BTAF1: variants seen among roughly 807,000 people sequenced by gnomAD.
BTAF1 encodes the protein TATA-binding protein-associated factor 172.
Under a neutral mutation model 227.1 loss-of-function variants are expected in BTAF1, and 38 were observed. The observed-to-expected ratio is 0.17, with a 90% CI of 0.13 to 0.22. The LOEUF (loss-of-function observed/expected upper bound fraction) is 0.22. Among genes scored for constraint, BTAF1 ranks in the 10% least tolerant of loss-of-function variants. The probability of loss-of-function intolerance (pLI) is 1.00; values close to 1 mark genes in which losing one functional copy is unlikely to be tolerated. For synonymous variants in BTAF1, 742 were observed against 751.9 expected, an observed-to-expected ratio of 0.99 and a Z score of 0.21; for missense variants, 1,598 against 2,204.0, an observed-to-expected ratio of 0.73 and a Z score of 5.51.
At chr10:91,995,070 A>G (rs1849040893) in intron 23 of BTAF1, among the ~76,000 whole-genome samples, 1 of 152,262 alleles carries the variant, frequency 6.6e-6, no homozygotes, top group Non-Finnish European at 1.5e-5. Flanking sequence ...AGTGGCAAAG[A>G]TAGAACACTG....
At chr10:92,023,980 A>T (rs1166571798) in intron 34 of BTAF1, among the ~76,000 whole-genome samples, 1 of 152,204 alleles carries the variant, frequency 6.6e-6, no homozygotes. Flanking sequence ...CTCAAATACT[A>T]TGGATGAAGA....
Position 91,989,589 on chromosome 10 carries a change from C to A in BTAF1, c.2854+9C>A. ...CCAGGAAAATTCTAAAGGTATATAC[C>A]TAAACTTTTATTTGGGGTAGAGAAA... On this transcript the variant is annotated intron_variant, in intron 20 of 37. Coordinates refer to ENST00000265990, the MANE Select transcript of BTAF1 (RefSeq NM_003972.3). 1 of 1,563,076 alleles carries A rather than the reference C, an allele frequency of 6.4e-7. No homozygotes were observed. Among genetic ancestry groups the A allele is most frequent in the Admixed American group, 2.1e-5 (1 of 48,734 alleles).
chr10:91,939,554 T>A (rs1844857999), intron 2 of BTAF1, among the ~76,000 whole-genome samples: 1 of 152,212 alleles, frequency 6.6e-6, no homozygotes. Flanking sequence ...TTCTCCTGTC[T>A]CAGCCTCCCA....
intron 21 of BTAF1, among the ~76,000 whole-genome samples, chr10:91,992,771 G>A (rs1303090937): frequency 6.6e-6 from 1 of 152,110 alleles, no homozygotes; most frequent in Non-Finnish European, 1.5e-5. Flanking sequence ...GATTTATAAT[G>A]GCACCTCTGT....
At chr10:91,996,665 A>G in intron 24 of BTAF1, 95 bp downstream of exon 24, 3 of 1,207,596 alleles carry the variant, frequency 2.5e-6, no homozygotes, top group South Asian at 1.5e-5. Context: ...ATGCACATAA[A>G]TAACCTGCCT....
intron 4 of BTAF1, among the ~76,000 whole-genome samples, chr10:91,949,442 CAGTT>C (rs1161244096): frequency 4.0e-4 from 61 of 152,066 alleles, no homozygotes; most frequent in Non-Finnish European, 5.9e-5. Context: ...TTAATTTTGT[CAGTT>C]ATTCTGCACA....
chr10:92,008,945 T>C lies in BTAF1; in HGVS notation c.3930T>C (p.Cys1310=). ...TCTGCATTCTAGCAGGAGATCATTG[T>C]CATAGGTAATTTAAGATGTTATTTT... is the stretch of plus-strand genomic sequence containing the variant. The part of the protein sequence containing the change: ...QSICILAGDH[C]HRAQEYARSK... Residue 1310 remains cysteine (C), a synonymous_variant, in exon 27 of 38, where the codon TGT becomes TGC. Transcript: ENST00000265990. 2 of 1,613,140 alleles carry C rather than the reference T, an allele frequency of 1.2e-6. No individual in the cohort carries two copies. Among genetic ancestry groups the C allele is most frequent in the Non-Finnish European group, 1.7e-6 (2 of 1,179,712 alleles).
At chr10:91,942,295 A>AAGTGTGTGT (rs398114637) in intron 3 of BTAF1, 127 bp from the exon 4 acceptor site, 374 of 553,740 alleles carry the variant, frequency 6.8e-4, no homozygotes, top group Non-Finnish European at 8.6e-4. Context: ...TAAAAAAAAA[A>AAGTGTGTGT]GTTTGTGTGT....
rs146208947 is a variant in BTAF1 at position 91,974,333 on chromosome 10, T to C, written c.1651-6121T>C. 3.1e-3 allele frequency among the ~76,000 whole-genome samples: 469 copies of C among 152,348 alleles called. 2 individuals are homozygous for C. Among genetic ancestry groups the C allele is most frequent in the South Asian group, 0.011 (54 of 4,834 alleles). On this transcript the variant is annotated intron_variant, in intron 14 of 37. Transcript: ENST00000265990. ...GAGATGTCCTTATTTTTAAAAGGTATCCATTATAAGTATGTGTGCTGGCAT... is the reference window on the plus strand; with the variant it reads ...GAGATGTCCTTATTTTTAAAAGGTACCCATTATAAGTATGTGTGCTGGCAT...
Position 92,027,237 on chromosome 10 carries a change from A to G in BTAF1, c.5343A>G (p.Gln1781=). The change falls in exon 37 of 38, where the codon CAA becomes CAG. Residue 1781 remains glutamine, a synonymous_variant. Transcript: ENST00000265990. The part of the protein sequence containing the change: ...KMNIANTVIS[Q]ENSSLQSMGT... ...ACATAGCGAATACTGTTATTAGCCA[A>G]GAGAATTCTAGTTTGCAGAGCATGG... The G allele has an allele frequency of 5.0e-6, 8 of 1,613,940 alleles. No individual in the cohort carries two copies. The highest frequency in any genetic ancestry group is 6.8e-6 in the Non-Finnish European group (8 of 1,179,844).
At chr10:91,938,987 AAAGGGG>A (rs1844820036) in intron 2 of BTAF1, among the ~76,000 whole-genome samples, 1 of 127,580 alleles carries the variant, frequency 7.8e-6, no homozygotes, top group Non-Finnish European at 1.7e-5. Flanking sequence ...AAAAAAAAAA[AAAGGGG>A]GGGGGGATTT....
rs571340058 is a variant in BTAF1, at chr10:91,958,427, C to T, written c.901-638C>T. 7.9e-5 allele frequency among the ~76,000 whole-genome samples: 12 copies of T among 151,998 alleles called. No individual in the cohort carries two copies. In the South Asian group the frequency reaches 1.0e-3, roughly 13 times the overall value. On this transcript the variant is annotated intron_variant, in intron 8 of 37. Transcript: ENST00000265990. ...ATTATAAAGAACACCTTGGGCTGGG[C>T]GTGGTGGCTCATGCCTGTAATCCTA...
chr10:92,025,015 T>A (rs777946839), intron 35 of BTAF1, 48 bp downstream of exon 35: 3 of 1,499,350 alleles, frequency 2.0e-6, no homozygotes, highest in Non-Finnish European at 2.7e-6. Flanking sequence ...TATTATTACT[T>A]ACATAGAAGT....
In BTAF1 at chr10:92,030,925, T is replaced by C. The variant is rs971036591; in HGVS notation, c.*1992T>C. Among the ~76,000 whole-genome samples the C allele has an allele frequency of 3.3e-5, 5 of 152,194 alleles. No homozygotes were observed. The highest frequency in any genetic ancestry group is 1.2e-4 in the African/African-American group (5 of 41,450). ...TAAATGACCCAGTCATTGTAGTACA[T>C]CTTAAGAATAATGAAGAGATGTGGA... On this transcript the variant is annotated 3_prime_UTR_variant, in exon 38 of 38. Transcript: ENST00000265990.
chr10:91,969,116 G>A (rs1295635527), intron 14 of BTAF1, among the ~76,000 whole-genome samples: 1 of 147,512 alleles, frequency 6.8e-6, no homozygotes, highest in African/African-American at 2.5e-5. Flanking sequence ...TTTTAATATT[G>A]GGTTGTTTTC....
intron 28 of BTAF1, 138 bp from the exon 29 acceptor site, chr10:92,010,935 C>T: frequency 1.5e-6 from 1 of 682,252 alleles, no homozygotes; most frequent in Non-Finnish European, 2.6e-6. Flanking sequence ...AAGAGTAGCC[C>T]TTCAGGGTCA....
chr10:91,978,396 A>G (rs970109561), intron 14 of BTAF1, among the ~76,000 whole-genome samples: 24 of 152,048 alleles, frequency 1.6e-4, no homozygotes, highest in African/African-American at 5.1e-4. Context: ...TTTTGGGGGG[A>G]AAATCAGAAA....
intron 32 of BTAF1, 101 bp from the exon 33 acceptor site, chr10:92,016,239 C>T: frequency 7.2e-7 from 1 of 1,382,072 alleles, no homozygotes; most frequent in East Asian, 2.6e-5. Context: ...TTAATGAGGG[C>T]TGATTTAAAT....
chr10:92,026,597 A>G lies in BTAF1; in HGVS notation c.5081A>G (p.Asn1694Ser), dbSNP rs766704264. 2 of 1,610,170 alleles carry G rather than the reference A, an allele frequency of 1.2e-6. No homozygotes were observed. The highest frequency in any genetic ancestry group is 2.2e-5 in the South Asian group (2 of 90,690). Residue 1694 changes from asparagine to serine, a missense_variant, in exon 36 of 38, where the codon AAT (asparagine) becomes AGT (serine). Physicochemically the swap from Asn to Ser is conservative, Grantham distance 46. Transcript: ENST00000265990. ...TTTTTGTTATCTACTTTTAGGTTTA[A>G]TAATGATCCATCTATAGACGTTCTG... ...GQRHSIVSRFNNDPSIDVLLL... is the reference protein window; with the variant it reads ...GQRHSIVSRFSNDPSIDVLLL...
Sources: gnomAD v4.1 joint callset for allele counts (sites outside exome capture counted in the v4.1 genomes callset) on GRCh38, gnomAD v4.1.1 for gene constraint, MANE v1.5 for transcripts, NCBI Gene and HGNC (gene_info 2026-07-23, HGNC 2026-07-21) for gene names.